Variants in CLIC4 observed in about 807,000 individuals in gnomAD.
CLIC4 encodes chloride intracellular channel protein 4.
In CLIC4, 13 loss-of-function variants were observed where a neutral mutation model predicts 24.6. The observed-to-expected ratio is 0.53, with a 90% CI of 0.34 to 0.84. The LOEUF is 0.84. Ranked by LOEUF, CLIC4 falls within the 40% of genes least tolerant of loss-of-function variation. The pLI is 0.01. For synonymous variants in CLIC4, 104 were observed against 111.3 expected (o/e 0.93, Z 0.41); for missense variants, 227 against 301.7 (o/e 0.75, Z 1.83).
At chr1:24,750,007 C>T (rs773270098) in intron 1 of CLIC4, among the ~76,000 whole-genome samples, 18 of 152,194 alleles carry the variant, frequency 1.2e-4, no homozygotes, top group Non-Finnish European at 2.5e-4. Flanking sequence ...TTCCTTTAGC[C>T]TGGGAGGCAG....
At chr1:24,775,453 T>C (rs888480170) in intron 1 of CLIC4, among the ~76,000 whole-genome samples, 2 of 151,416 alleles carry the variant, frequency 1.3e-5, no homozygotes, top group African/African-American at 4.8e-5. Context: ...TTTGAGGCTC[T>C]TTTTTTTCTG....
At chr1:24,788,534 G>T (rs781425123) in intron 1 of CLIC4, among the ~76,000 whole-genome samples, 2 of 152,102 alleles carry the variant, frequency 1.3e-5, no homozygotes, top group Non-Finnish European at 1.5e-5. Context: ...CTGTATCTGC[G>T]GGTTCTGCAT....
At chr1:24,816,683 A>G (rs894010576) in intron 3 of CLIC4, among the ~76,000 whole-genome samples, 2 of 152,200 alleles carry the variant, frequency 1.3e-5, no homozygotes, top group African/African-American at 4.8e-5. Flanking sequence ...GTCAAAATTT[A>G]TGGACTGCAG....
intron 1 of CLIC4, among the ~76,000 whole-genome samples, chr1:24,767,982 A>C (rs1206289468): frequency 6.6e-6 from 1 of 151,914 alleles, no homozygotes; most frequent in Non-Finnish European, 1.5e-5. Flanking sequence ...CTGGGATTAC[A>C]GGCGCTTGCC....
At chr1:24,800,888 AC>A (rs1557806566) in intron 2 of CLIC4, among the ~76,000 whole-genome samples, 1 of 116,926 alleles carries the variant, frequency 8.6e-6, no homozygotes, top group Non-Finnish European at 1.8e-5. Flanking sequence ...AAGAGTCATC[AC>A]CACTCCCTAA....
chr1:24,790,827 T>A (rs995346630), intron 1 of CLIC4, among the ~76,000 whole-genome samples: 3 of 152,130 alleles, frequency 2.0e-5, no homozygotes, highest in Non-Finnish European at 4.4e-5. Context: ...AAATAAAATA[T>A]ATAAACTAAA....
At chr1:24,776,710 G>A (rs1252216108) in intron 1 of CLIC4, among the ~76,000 whole-genome samples, 2 of 152,278 alleles carry the variant, frequency 1.3e-5, no homozygotes, top group African/African-American at 2.4e-5. Context: ...GGAGGCTGAG[G>A]CAGGTGGATC....
chr1:24,798,539 A>G (rs1639431039), intron 2 of CLIC4, among the ~76,000 whole-genome samples: 1 of 152,148 alleles, frequency 6.6e-6, no homozygotes, highest in Non-Finnish European at 1.5e-5. Context: ...ATGTCTATTC[A>G]CCTTTAGCAA....
intron 1 of CLIC4, among the ~76,000 whole-genome samples, chr1:24,767,022 G>A: frequency 2.0e-5 from 1 of 49,390 alleles, no homozygotes; most frequent in African/African-American, 9.7e-5. Flanking sequence ...TAGCTGATGA[G>A]CTAAAAAAAA....
At chr1:24,825,721 T>C (rs928787586) in intron 3 of CLIC4, among the ~76,000 whole-genome samples, 9 of 152,238 alleles carry the variant, frequency 5.9e-5, no homozygotes, top group African/African-American at 2.2e-4. Flanking sequence ...TTAGAAGATA[T>C]ATCTCTTCCT....
chr1:24,787,797 G>A (rs1210946469), intron 1 of CLIC4, among the ~76,000 whole-genome samples: 7 of 149,854 alleles, frequency 4.7e-5, no homozygotes, highest in South Asian at 2.1e-4. Flanking sequence ...CACCTTCTTC[G>A]GCCTCCCAAA....
intron 3 of CLIC4, among the ~76,000 whole-genome samples, chr1:24,820,063 G>GTGTGTATATATATA (rs1639711351): frequency 8.9e-5 from 1 of 11,208 alleles, no homozygotes; most frequent in African/African-American, 2.4e-4. Flanking sequence ...AAAAAAAAAA[G>GTGTGTATATATATA]TATGTATATA....
intron 1 of CLIC4, among the ~76,000 whole-genome samples, chr1:24,750,470 CTT>C (rs1289977332): frequency 7.2e-6 from 1 of 139,438 alleles, no homozygotes; most frequent in Non-Finnish European, 1.5e-5. Context: ...GAGTTTCGCT[CTT>C]GTTACCCCTC....
At position 24,787,626 on chromosome 1, in the gene CLIC4, T is replaced by C. The variant is rs959481840; in HGVS notation, c.73-10116T>C. On this transcript the variant is annotated intron_variant, in intron 1 of 5. Coordinates refer to ENST00000374379, the MANE Select transcript of CLIC4 (RefSeq NM_013943.3). ...ATCTCTGCTCACTGCAAGCTCCGCC[T>C]CCCGTGTTCACGCATTCTCCTGCCT... Among the ~76,000 whole-genome samples, 90 of 151,860 alleles carry C rather than the reference T, an allele frequency of 5.9e-4. 1 individual carries two copies. Among genetic ancestry groups the C allele is most frequent in the Non-Finnish European group, 1.0e-3 (70 of 67,962 alleles).
chr1:24,757,454 G>T (rs950333717), intron 1 of CLIC4, among the ~76,000 whole-genome samples: 1 of 152,106 alleles, frequency 6.6e-6, no homozygotes, highest in Admixed American at 6.6e-5. Context: ...AAAAACTAAA[G>T]ATGGACCAGG....
At chr1:24,813,923 G>T (rs905275466) in intron 2 of CLIC4, among the ~76,000 whole-genome samples, 171 bp from the exon 3 acceptor site, 1 of 151,870 alleles carries the variant, frequency 6.6e-6, no homozygotes, top group African/African-American at 2.4e-5. Context: ...TTACCATGTT[G>T]CCCAGGCTGG....
At chr1:24,789,026 A>G (rs1639304163) in intron 1 of CLIC4, among the ~76,000 whole-genome samples, 4 of 152,144 alleles carry the variant, frequency 2.6e-5, no homozygotes, top group Admixed American at 2.0e-4. Flanking sequence ...AAATTTAACC[A>G]ATCTTTTACT....
intron 1 of CLIC4, among the ~76,000 whole-genome samples, chr1:24,766,473 G>T (rs1250453912): frequency 1.6e-5 from 1 of 62,040 alleles, no homozygotes; most frequent in Non-Finnish European, 3.1e-5. Context: ...TGCCCAGACG[G>T]TTTTTTTTTT....
At chr1:24,767,080 T>C (rs1257163242) in intron 1 of CLIC4, among the ~76,000 whole-genome samples, 1 of 134,714 alleles carries the variant, frequency 7.4e-6, no homozygotes, top group Non-Finnish European at 1.6e-5. Flanking sequence ...AAAAACCTTA[T>C]AATGTTTTAA....
Sources: gnomAD v4.1 joint callset for allele counts (sites outside exome capture counted in the v4.1 genomes callset) on GRCh38, gnomAD v4.1.1 for gene constraint, MANE v1.5 for transcripts, NCBI Gene and HGNC (gene_info 2026-07-23, HGNC 2026-07-21) for gene names.